Variants in KIF11 observed in about 807,000 individuals in gnomAD.
KIF11 encodes kinesin-like protein KIF11.
Under a neutral mutation model 121.0 loss-of-function variants are expected in KIF11, and 9 were observed. The ratio of observed to expected loss-of-function variants is 0.07; its 90% CI spans 0.04 to 0.13. The LOEUF is 0.13. Ranked by LOEUF, KIF11 falls within the 10% of genes least tolerant of loss-of-function variation. KIF11 has a pLI of 1.00. For missense variants in KIF11, 846 were observed against 1,217.5 expected (o/e 0.69, Z 4.54); for synonymous variants, 408 against 421.0 (o/e 0.97, Z 0.38).
At chr10:92,648,715 TA>T (rs913790703) in intron 19 of KIF11, among the ~76,000 whole-genome samples, 19 of 152,210 alleles carry the variant, frequency 1.2e-4, no homozygotes, top group African/African-American at 4.3e-4. Flanking sequence ...GCACTGTTTG[TA>T]AAAGGACATT....
intron 10 of KIF11, among the ~76,000 whole-genome samples, chr10:92,621,920 AG>A (rs1844621339): frequency 6.6e-6 from 1 of 152,218 alleles, no homozygotes; most frequent in African/African-American, 2.4e-5. Context: ...TTTCAAGAAG[AG>A]TACAAGAGAG....
rs1547818 is a variant in KIF11, at chr10:92,637,635, G to C, written c.2160+90G>C. The C allele has an allele frequency of 3.4e-3, 4,437 of 1,288,390 alleles. 183 individuals are homozygous for C. In the Admixed American group the frequency reaches 0.075, roughly 22 times the overall value. The allele number at this position is 1,288,390 out of a possible 1,614,324, so 79.8% of individuals were successfully genotyped here. ...ATAATTAATCTATGTTACACAATCT[G>C]AATACTGTAAAAGCTGAAACCTGAA... On this transcript the variant is annotated intron_variant, in intron 16 of 21. Coordinates refer to ENST00000260731, the MANE Select transcript of KIF11 (RefSeq NM_004523.4).
chr10:92,635,382 C>G (rs1486453755), intron 14 of KIF11, among the ~76,000 whole-genome samples: 1 of 152,082 alleles, frequency 6.6e-6, no homozygotes, highest in Non-Finnish European at 1.5e-5. Context: ...CAGACCACTG[C>G]AATAAAGTGA....
intron 1 of KIF11, among the ~76,000 whole-genome samples, chr10:92,599,231 T>C (rs1378213653): frequency 6.6e-6 from 1 of 151,938 alleles, no homozygotes; most frequent in East Asian, 1.9e-4. Flanking sequence ...AAAATGTAAC[T>C]GGAGGCTGGA....
At position 92,633,501 on chromosome 10, in the gene KIF11, T is replaced by C. The variant is rs1429489711; in HGVS notation, c.1703-122T>C. The C allele has an allele frequency of 4.4e-6, 3 of 683,294 alleles. No homozygotes were observed. In the African/African-American group the frequency reaches 5.5e-5, roughly 12 times the overall value. The allele number at this position is 683,294 out of a possible 1,614,324, so 42.3% of individuals were successfully genotyped here. ...TTGCTTTGTAGTGAGCCAGTTCTTTTAAGCTCGTTATTACAAATTCTACAA... is the reference window on the plus strand; with the variant it reads ...TTGCTTTGTAGTGAGCCAGTTCTTTCAAGCTCGTTATTACAAATTCTACAA... On this transcript the variant is annotated intron_variant, in intron 13 of 21. Transcript: ENST00000260731.
rs1213868160 is a variant in KIF11, at chr10:92,648,252, C to T, written c.2588C>T (p.Thr863Ile). The change falls in exon 19 of 22, where the codon ACT becomes ATT. Residue 863 changes from threonine to isoleucine, a missense_variant. Coordinates refer to ENST00000260731, the MANE Select transcript of KIF11 (RefSeq NM_004523.4). ...TGTGAGGCTTCAAGTTCAGACATCA[C>T]TGAGAAATCAGATGGACGTAAGGCA... Reference protein sequence around the residue: ...QCCEASSSDITEKSDGRKAAH... With the variant: ...QCCEASSSDIIEKSDGRKAAH... 2 of 1,613,010 alleles carry T rather than the reference C, an allele frequency of 1.2e-6. No homozygotes were observed. Among genetic ancestry groups the T allele is most frequent in the African/African-American group, 2.7e-5 (2 of 74,872 alleles).
At chr10:92,647,870 A>T (rs1844936410) in intron 18 of KIF11, among the ~76,000 whole-genome samples, 1 of 152,090 alleles carries the variant, frequency 6.6e-6, no homozygotes. Context: ...TAATCTTTGG[A>T]GGTCAAGGTG....
intron 16 of KIF11, among the ~76,000 whole-genome samples, chr10:92,638,208 T>C (rs767119135): frequency 2.0e-5 from 3 of 152,216 alleles, no homozygotes; most frequent in Non-Finnish European, 4.4e-5. Flanking sequence ...AGAACTCTTA[T>C]AATAGTTAAC....
Position 92,621,424 on chromosome 10 carries a change from G to A in KIF11, c.1168G>A (p.Ala390Thr), listed in dbSNP as rs1210217306. 2 of 1,613,538 alleles carry A rather than the reference G, an allele frequency of 1.2e-6. No homozygotes were observed. Among genetic ancestry groups the A allele is most frequent in the East Asian group, 4.5e-5 (2 of 44,860 alleles). The change falls in exon 10 of 22, where the codon GCT becomes ACT. Residue 390 changes from alanine (A) to threonine (T), a missense_variant. This residue lies in a region of KIF11 where 116 missense variants were observed against 285.3 expected (regional missense o/e 0.41). Transcript: ENST00000260731. The part of the protein sequence containing the change: ...EEIERLKRDL[A>T]AAREKNGVYI... Reference sequence around the variant, plus strand: ...GATAGAACGTTTAAAACGAGATCTTGCTGCAGCCCGTGAGAAAAATGGAGT... The same window carrying A: ...GATAGAACGTTTAAAACGAGATCTTACTGCAGCCCGTGAGAAAAATGGAGT...
rs752033746 is a variant in KIF11, at chr10:92,633,642, T to A, written c.1722T>A (p.Ser574Arg). 1 of 1,606,228 alleles carries A rather than the reference T, an allele frequency of 6.2e-7. No homozygotes were observed. The highest frequency in any genetic ancestry group is 2.2e-5 in the East Asian group (1 of 44,728). The change falls in exon 14 of 22, where the codon AGT becomes AGA. Residue 574 changes from serine (S) to arginine (R), a missense_variant. Coordinates refer to ENST00000260731, the MANE Select transcript of KIF11 (RefSeq NM_004523.4). ...TTATAGGTAATCTGCTGTCTTCCAG[T>A]GTCTCTGCATTAGATACCATTACTA... ...KTLFGNLLSS[S>R]VSALDTITTV...
chr10:92,611,081 C>CA (rs1376337989), intron 6 of KIF11, among the ~76,000 whole-genome samples: 4 of 151,810 alleles, frequency 2.6e-5, no homozygotes, highest in Non-Finnish European at 5.9e-5. Flanking sequence ...AGGTATGTGA[C>CA]AAAGAGGAGA....
At chr10:92,622,297 A>G (rs529722644) in intron 10 of KIF11, among the ~76,000 whole-genome samples, 8 of 151,742 alleles carry the variant, frequency 5.3e-5, no homozygotes, top group South Asian at 4.2e-4. Flanking sequence ...ATAAAATAAT[A>G]GATAAATAAA....
chr10:92,647,937 C>T (rs540252953), intron 18 of KIF11, among the ~76,000 whole-genome samples: 1 of 151,918 alleles, frequency 6.6e-6, no homozygotes, highest in South Asian at 2.1e-4. Flanking sequence ...GGTGAAATGC[C>T]ATCTCTTCAA....
At chr10:92,624,119 T>G (rs2135911182) in intron 10 of KIF11, among the ~76,000 whole-genome samples, 1 of 152,220 alleles carries the variant, frequency 6.6e-6, no homozygotes. Context: ...GTTTAGCTCC[T>G]ACTTATAAGT....
At chr10:92,616,512 G>C (rs971192233) in intron 8 of KIF11, among the ~76,000 whole-genome samples, 11 of 152,056 alleles carry the variant, frequency 7.2e-5, no homozygotes, top group African/African-American at 2.7e-4. Flanking sequence ...ATAGTCTAAA[G>C]GAAATTATCC....
At chr10:92,597,077 T>G in intron 1 of KIF11, 1 of 371,038 alleles carries the variant, frequency 2.7e-6, no homozygotes, top group Non-Finnish European at 5.4e-6. Flanking sequence ...TCTTTCTTGA[T>G]TCACACTCCT....
intron 10 of KIF11, among the ~76,000 whole-genome samples, chr10:92,622,580 A>G (rs1306247148): frequency 1.3e-5 from 2 of 152,134 alleles, no homozygotes; most frequent in African/African-American, 2.4e-5. Flanking sequence ...GCAGCATTGC[A>G]CTCCAGCCTG....
intron 21 of KIF11, among the ~76,000 whole-genome samples, chr10:92,652,897 G>A (rs1409091685): frequency 3.9e-5 from 6 of 152,094 alleles, no homozygotes; most frequent in Admixed American, 2.0e-4. Context: ...TTTTCTCTGC[G>A]TTTAAAACTT....
intron 17 of KIF11, among the ~76,000 whole-genome samples, chr10:92,640,718 C>T (rs1844855802): frequency 6.6e-6 from 1 of 152,126 alleles, no homozygotes; most frequent in South Asian, 2.1e-4. Context: ...GCGTGAGCCA[C>T]CACGCCCGGC....
Sources: gnomAD v4.1 joint callset for allele counts (sites outside exome capture counted in the v4.1 genomes callset) on GRCh38, gnomAD v4.1.1 for gene constraint, gnomAD v4.1.1 regional missense constraint, MANE v1.5 for transcripts, NCBI Gene and HGNC (gene_info 2026-07-23, HGNC 2026-07-21) for gene names.